ZNF577: variants seen among roughly 807,000 people sequenced by gnomAD.
ZNF577 encodes zinc finger protein 577.
ZNF577 carries 14 observed loss-of-function variants against 13.9 expected under a neutral mutation model. The observed-to-expected ratio is 1.00, with a 90% CI of 0.66 to 1.57. The LOEUF is 1.57. Among genes scored for constraint, ZNF577 ranks in the 40% most tolerant of loss-of-function variants. The pLI is 0.00. For synonymous variants in ZNF577, 203 were observed against 202.9 expected (o/e 1.00, Z 0.00); for missense variants, 555 against 579.2 (o/e 0.96, Z 0.43).
intron 5 of ZNF577, chr19:51,855,893 G>A (rs1254556004): frequency 6.6e-6 from 1 of 152,162 alleles, no homozygotes; most frequent in Non-Finnish European, 1.5e-5. Flanking sequence ...CTGATACAAG[G>A]GTGGTGGTTG....
chr19:51,879,642 T>C (rs943909622), intron 3 of ZNF577, among the ~76,000 whole-genome samples: 13 of 152,196 alleles, frequency 8.5e-5, no homozygotes, highest in Non-Finnish European at 1.5e-5. Context: ...TACATAAATG[T>C]ACATAAATAT....
At chr19:51,820,931 T>A (rs1350037660) in intron 9 of ZNF577, among the ~76,000 whole-genome samples, 1 of 152,168 alleles carries the variant, frequency 6.6e-6, no homozygotes, top group African/African-American at 2.4e-5. Context: ...AGAGCAGTTG[T>A]TAGGGTTAAA....
downstream of ZNF577, among the ~76,000 whole-genome samples, chr19:51,867,000 A>AG (rs111678761): frequency 6.7e-6 from 1 of 148,154 alleles, no homozygotes; most frequent in Admixed American, 6.7e-5. Flanking sequence ...GAGAAAAGGA[A>AG]GAAGGAAAGA....
chr19:51,883,182 G>A (rs113180372), intron 1 of ZNF577, among the ~76,000 whole-genome samples: 2,257 of 151,934 alleles, frequency 0.015, 70 homozygotes, highest in African/African-American at 0.052. Flanking sequence ...TAGTAAAGAC[G>A]AGGCTTCACC....
chr19:51,847,872 T>G (rs545344794), intron 5 of ZNF577, among the ~76,000 whole-genome samples: 5 of 152,328 alleles, frequency 3.3e-5, no homozygotes, highest in African/African-American at 1.2e-4. Flanking sequence ...TTCTGCTCAC[T>G]GGGCTGGATG....
intron 3 of ZNF577, 120 bp from the exon 4 acceptor site, chr19:51,878,635 A>C: frequency 7.8e-7 from 1 of 1,288,560 alleles, no homozygotes; most frequent in Non-Finnish European, 1.1e-6. Flanking sequence ...TGGCTATTTC[A>C]CATACCAAAG....
Position 51,877,385 on chromosome 19 carries a change from T to C in ZNF577, c.188-8A>G. 6.2e-7 allele frequency: 1 copy of C among 1,612,620 alleles called. No individual in the cohort carries two copies. Reference sequence around the variant, plus strand: ...GCTTGGTGCCTCGATACCCTGTAAATGGGAGATCACTGAACACTTGGCACG... The same window carrying C: ...GCTTGGTGCCTCGATACCCTGTAAACGGGAGATCACTGAACACTTGGCACG... On this transcript the variant is annotated splice_region_variant and splice_polypyrimidine_tract_variant and intron_variant, in intron 4 of 5. Coordinates refer to ENST00000638348, the MANE Select transcript of ZNF577 (RefSeq NM_001370449.1).
Position 51,870,772 on chromosome 19 carries a change from A to G in ZNF577, c.*1760T>C, listed in dbSNP as rs2084646822. ...AACCCTAAACTCTGTCTCAATTCAGAGAGATGGCTGGGATCTGCTTGGGTT... is the reference window on the plus strand; with the variant it reads ...AACCCTAAACTCTGTCTCAATTCAGGGAGATGGCTGGGATCTGCTTGGGTT... On this transcript the variant is annotated 3_prime_UTR_variant, in exon 6 of 6. Coordinates refer to ENST00000638348, the MANE Select transcript of ZNF577 (RefSeq NM_001370449.1). 6.6e-6 allele frequency among the ~76,000 whole-genome samples: 1 copy of G among 152,126 alleles called. No individual in the cohort carries two copies. Among genetic ancestry groups the G allele is most frequent in the Admixed American group, 6.6e-5 (1 of 15,264 alleles).
In ZNF577 at chr19:51,848,918, A is replaced by G. The variant is rs1236053973; in HGVS notation, c.284-3987T>C. 2.0e-5 allele frequency among the ~76,000 whole-genome samples: 3 copies of G among 152,200 alleles called. No individual in the cohort carries two copies. In the East Asian group the frequency reaches 5.8e-4, roughly 29 times the overall value. ...GCCTCTGTCTAGTTTTGGTGTCAAG[A>G]TTATATTGCCTTTAGATAATGAGCT... On this transcript the variant is annotated intron_variant and NMD_transcript_variant, in intron 5 of 10. Coordinates refer to the ZNF577 transcript ENST00000638827.
In ZNF577 at chr19:51,887,155, G is replaced by A. The variant is rs2122741031; in HGVS notation, c.-553C>T. On this transcript the variant is annotated 5_prime_UTR_variant, in exon 1 of 6. Coordinates refer to ENST00000638348, the MANE Select transcript of ZNF577 (RefSeq NM_001370449.1). The stretch of plus-strand genomic sequence containing the variant: ...TACGTATGGAAAAACACTACAGATA[G>A]TCAAACAAATAAAAATATTGGGTTA... The A allele has an allele frequency of 6.6e-6, 1 of 152,194 alleles. No homozygotes were observed. Among genetic ancestry groups the A allele is most frequent in the Non-Finnish European group, 1.5e-5 (1 of 68,010 alleles). The allele number at this position is 152,194 out of a possible 1,614,324, so 9.4% of individuals were successfully genotyped here.
intron 9 of ZNF577, among the ~76,000 whole-genome samples, chr19:51,829,869 C>A (rs2084252920): frequency 6.6e-6 from 1 of 152,186 alleles, no homozygotes; most frequent in South Asian, 2.1e-4. Context: ...CTTGTCCCCA[C>A]TAGCCACTCA....
intron 9 of ZNF577, among the ~76,000 whole-genome samples, chr19:51,833,459 C>G (rs1442258365): frequency 6.6e-6 from 1 of 152,030 alleles, no homozygotes; most frequent in Non-Finnish European, 1.5e-5. Flanking sequence ...TTTAAAAAGT[C>G]ATTTTTTGCT....
intron 8 of ZNF577, among the ~76,000 whole-genome samples, chr19:51,841,342 A>G (rs2122542248): frequency 6.6e-6 from 1 of 152,224 alleles, no homozygotes; most frequent in East Asian, 1.9e-4. Flanking sequence ...CCACCACTCC[A>G]TGTCTTTCTT....
intron 4 of ZNF577, 151 bp downstream of exon 4, chr19:51,878,238 A>C: frequency 1.2e-6 from 1 of 820,896 alleles, no homozygotes; most frequent in Non-Finnish European, 1.8e-6. Context: ...GCTTATGGTT[A>C]AGACGGTAAA....
intron 5 of ZNF577, chr19:51,861,113 CTTT>C (rs368241227): frequency 0.016 from 2,979 of 182,870 alleles, no homozygotes; most frequent in Middle Eastern, 0.029. Flanking sequence ...TTGACTCTCT[CTTT>C]TTTTTTTTTT....
In ZNF577 at chr19:51,872,388, G is replaced by A; in HGVS notation, c.*144C>T. 1.6e-6 allele frequency: 1 copy of A among 636,500 alleles called. No homozygotes were observed. Among genetic ancestry groups the A allele is most frequent in the Non-Finnish European group, 2.6e-6 (1 of 383,642 alleles). The allele number at this position is 636,500 out of a possible 1,614,324, so 39.4% of individuals were successfully genotyped here. A position where few individuals can be genotyped will look rare whatever the true frequency, so the allele number is the denominator to read the frequency against. ...CATTTCTACCCAACATGATTTCAATGGTGTTTAACAGGTTTGACTTCTCAC... is the reference window on the plus strand; with the variant it reads ...CATTTCTACCCAACATGATTTCAATAGTGTTTAACAGGTTTGACTTCTCAC... On this transcript the variant is annotated 3_prime_UTR_variant, in exon 6 of 6. Transcript: ENST00000638348.
At chr19:51,874,631 G>C (rs1224372298) in intron 5 of ZNF577, among the ~76,000 whole-genome samples, 2 of 152,194 alleles carry the variant, frequency 1.3e-5, no homozygotes, top group East Asian at 3.9e-4. Context: ...TGGAATTTAT[G>C]CTAAGAACAA....
At chr19:51,841,135 T>C (rs1379593844) in intron 8 of ZNF577, among the ~76,000 whole-genome samples, 1 of 152,150 alleles carries the variant, frequency 6.6e-6, no homozygotes, top group African/African-American at 2.4e-5. Flanking sequence ...CTGCCTCTTA[T>C]CATATTCTGC....
intron 5 of ZNF577, among the ~76,000 whole-genome samples, chr19:51,859,743 C>T (rs932946645): frequency 1.1e-4 from 17 of 151,998 alleles, no homozygotes; most frequent in Non-Finnish European, 2.4e-4. Context: ...ATATGTATTA[C>T]AAGACATTTT....
Sources: gnomAD v4.1 joint callset for allele counts (sites outside exome capture counted in the v4.1 genomes callset) on GRCh38, gnomAD v4.1.1 for gene constraint, MANE v1.5 for transcripts, NCBI Gene and HGNC (gene_info 2026-07-23, HGNC 2026-07-21) for gene names.